The following PDGFC variants were observed in gnomAD, a reference collection of about 807,000 sequenced individuals.
PDGFC encodes platelet derived growth factor C.
In PDGFC, 12 loss-of-function variants were observed where a neutral mutation model predicts 35.5. The observed-to-expected ratio is 0.34, with a 90% confidence interval of 0.22 to 0.55. The LOEUF (loss-of-function observed/expected upper bound fraction) is 0.55, where lower values mean the gene tolerates loss of function less well. PDGFC is among the 20% of genes least tolerant of loss of function. PDGFC has a pLI of 0.91. For missense variants in PDGFC, 322 were observed against 412.4 expected (o/e 0.78, Z 1.90); for synonymous variants, 159 against 148.8 (o/e 1.07, Z -0.50).
At chr4:156,948,507 C>A (rs1013344009) in intron 1 of PDGFC, among the ~76,000 whole-genome samples, 13 of 151,898 alleles carry the variant, frequency 8.6e-5, no homozygotes, top group African/African-American at 2.7e-4. Flanking sequence ...AAAGTCTTGG[C>A]ATATTAAGGT....
At chr4:156,937,673 C>A (rs1001894257) in intron 1 of PDGFC, among the ~76,000 whole-genome samples, 1 of 152,098 alleles carries the variant, frequency 6.6e-6, no homozygotes, top group African/African-American at 2.4e-5. Flanking sequence ...TGCAACCTAA[C>A]CTGGGCAACA....
chr4:156,900,477 T>C (rs1730740462), intron 1 of PDGFC, among the ~76,000 whole-genome samples: 1 of 152,062 alleles, frequency 6.6e-6, no homozygotes, highest in African/African-American at 2.4e-5. Flanking sequence ...AGAGAAGTAA[T>C]AGGTAAGCCT....
At chr4:156,864,302 G>A (rs6811964) in intron 1 of PDGFC, among the ~76,000 whole-genome samples, 18,341 of 151,920 alleles carry the variant, frequency 0.12, 1,403 homozygotes, top group African/African-American at 0.22. Context: ...ACTGATTACC[G>A]TGTCATAAAA....
At chr4:156,914,229 C>T (rs144606948) in intron 1 of PDGFC, among the ~76,000 whole-genome samples, 11 of 152,216 alleles carry the variant, frequency 7.2e-5, no homozygotes, top group African/African-American at 2.4e-4. Flanking sequence ...CAGTTGTGGG[C>T]GGGGAGATCT....
chr4:156,831,737 C>T (rs753412830), intron 2 of PDGFC, among the ~76,000 whole-genome samples: 2 of 151,670 alleles, frequency 1.3e-5, no homozygotes, highest in Non-Finnish European at 1.5e-5. Context: ...CTACCACACC[C>T]GGCCAACCCT....
At chr4:156,844,657 A>C (rs139389933) in intron 2 of PDGFC, among the ~76,000 whole-genome samples, 1 of 150,402 alleles carries the variant, frequency 6.6e-6, no homozygotes, top group Non-Finnish European at 1.5e-5. Context: ...GACAAAAATA[A>C]CCAAAATTAC....
At chr4:156,815,664 C>T (rs1408415831) in intron 2 of PDGFC, among the ~76,000 whole-genome samples, 1 of 152,104 alleles carries the variant, frequency 6.6e-6, no homozygotes, top group Non-Finnish European at 1.5e-5. Flanking sequence ...AATATTGACA[C>T]ATAAAAGTGA....
At chr4:156,952,493 T>C (rs771175582) in intron 1 of PDGFC, among the ~76,000 whole-genome samples, 19 of 152,008 alleles carry the variant, frequency 1.2e-4, no homozygotes, top group Non-Finnish European at 1.6e-4. Flanking sequence ...AATCTATTAA[T>C]GTTTTAAGAT....
intron 1 of PDGFC, among the ~76,000 whole-genome samples, chr4:156,855,721 TA>T (rs1310007555): frequency 1.3e-5 from 2 of 152,186 alleles, no homozygotes; most frequent in Non-Finnish European, 2.9e-5. Flanking sequence ...TCACCTGTGA[TA>T]ATTTTTCTAC....
chr4:156,958,545 T>C (rs1732265013), intron 1 of PDGFC, among the ~76,000 whole-genome samples: 1 of 152,024 alleles, frequency 6.6e-6, no homozygotes, highest in Admixed American at 6.6e-5. Context: ...ATCACTTCCT[T>C]TAAGGCCAAA....
intron 1 of PDGFC, among the ~76,000 whole-genome samples, chr4:156,897,335 AGTGT>A (rs1215460921): frequency 1.6e-5 from 2 of 125,340 alleles, no homozygotes; most frequent in Non-Finnish European, 3.4e-5. Flanking sequence ...AATATGAGAG[AGTGT>A]GTGAGAGTGT....
At chr4:156,941,312 A>C (rs1731800202) in intron 1 of PDGFC, among the ~76,000 whole-genome samples, 1 of 152,194 alleles carries the variant, frequency 6.6e-6, no homozygotes, top group Non-Finnish European at 1.5e-5. Context: ...GCAATTAAGC[A>C]ATTTATAGAA....
At chr4:156,854,477 T>A (rs1729527182) in intron 1 of PDGFC, among the ~76,000 whole-genome samples, 1 of 152,122 alleles carries the variant, frequency 6.6e-6, no homozygotes, top group Non-Finnish European at 1.5e-5. Flanking sequence ...AAAAAAAAAT[T>A]GTAAATTTTC....
intron 4 of PDGFC, among the ~76,000 whole-genome samples, chr4:156,769,485 G>A (rs1213246531): frequency 2.6e-5 from 4 of 151,882 alleles, no homozygotes; most frequent in African/African-American, 9.7e-5. Context: ...ACTAAAACCT[G>A]AGTCAAGTAT....
chr4:156,767,818 A>C lies in PDGFC; in HGVS notation c.876T>G (p.Asn292Lys). 1 of 1,613,342 alleles carries C rather than the reference A, an allele frequency of 6.2e-7. No homozygotes were observed. The highest frequency in any genetic ancestry group is 1.1e-5 in the South Asian group (1 of 91,056). Reference protein sequence around the residue: ...GNCACCLHNCNECQCVPSKVT... With the variant: ...GNCACCLHNCKECQCVPSKVT... Reference sequence around the variant, plus strand: ...CTTTGCTTGGGACACATTGACATTCATTGCAATTGTGGAGACAACAGGCAC... The same window carrying C: ...CTTTGCTTGGGACACATTGACATTCCTTGCAATTGTGGAGACAACAGGCAC... Residue 292 changes from asparagine to lysine, a missense_variant, in exon 5 of 6, where the codon AAT (asparagine) becomes AAG (lysine). Physicochemically the swap from Asn to Lys is moderately conservative, Grantham distance 94 (BLOSUM62 0). Coordinates refer to ENST00000502773, the MANE Select transcript of PDGFC (RefSeq NM_016205.3).
intron 3 of PDGFC, among the ~76,000 whole-genome samples, chr4:156,803,254 G>T (rs938357400): frequency 6.6e-6 from 1 of 152,092 alleles, no homozygotes. Context: ...AATCAGTGAT[G>T]AATATAAAAG....
At chr4:156,887,104 A>T (rs1226567416) in intron 1 of PDGFC, among the ~76,000 whole-genome samples, 2 of 152,224 alleles carry the variant, frequency 1.3e-5, no homozygotes, top group Non-Finnish European at 2.9e-5. Flanking sequence ...AAAATGAAAA[A>T]GAAACATTTC....
chr4:156,836,555 T>A (rs1312600548), intron 2 of PDGFC, among the ~76,000 whole-genome samples: 7 of 152,184 alleles, frequency 4.6e-5, no homozygotes, highest in African/African-American at 1.7e-4. Context: ...ATCATCCTCC[T>A]GAGACTCACA....
At chr4:156,936,340 A>G (rs1731680868) in intron 1 of PDGFC, among the ~76,000 whole-genome samples, 1 of 152,212 alleles carries the variant, frequency 6.6e-6, no homozygotes, top group Non-Finnish European at 1.5e-5. Context: ...TCAGAGGAGA[A>G]TTTCTACCAC....
Sources: gnomAD v4.1 joint callset for allele counts (sites outside exome capture counted in the v4.1 genomes callset) on GRCh38, gnomAD v4.1.1 for gene constraint, MANE v1.5 for transcripts, NCBI Gene and HGNC (gene_info 2026-07-23, HGNC 2026-07-21) for gene names.